Variants in PDE6A observed in about 807,000 individuals in gnomAD.
The protein encoded by PDE6A is rod cGMP-specific 3',5'-cyclic phosphodiesterase subunit alpha.
PDE6A carries 84 observed loss-of-function variants against 106.3 expected under a neutral mutation model. That is an observed-to-expected ratio of 0.79 (90% CI 0.66 to 0.95). The LOEUF is 0.95. Among genes scored for constraint, PDE6A ranks in the 40% least tolerant of loss-of-function variants. The pLI, the probability that PDE6A is intolerant of heterozygous loss-of-function variation, is 0.00. For missense variants in PDE6A, 1,052 were observed against 1,084.9 expected (o/e 0.97, Z 0.43); for synonymous variants, 394 against 386.6 (o/e 1.02, Z -0.23).
At chr5:149,883,562 G>C (rs1286231294) in intron 16 of PDE6A, 26 bp from the exon 17 acceptor site, 1 of 1,499,492 alleles carries the variant, frequency 6.7e-7, no homozygotes, top group Non-Finnish European at 9.3e-7. Flanking sequence ...GTCTAGTAAA[G>C]GGAGCAAGTC....
chr5:149,937,427 G>A (rs2113665037), intron 1 of PDE6A, among the ~76,000 whole-genome samples: 1 of 152,230 alleles, frequency 6.6e-6, no homozygotes. Context: ...ATCCAGGCTG[G>A]AGTGCAGTGT....
At chr5:149,896,548 C>G in intron 11 of PDE6A, 46 bp from the exon 12 acceptor site, 1 of 1,614,024 alleles carries the variant, frequency 6.2e-7, no homozygotes, top group Non-Finnish European at 8.5e-7. Context: ...TGAAGTGTTT[C>G]TGGGTGCCCA....
chr5:149,883,140 T>C (rs1025532768), intron 17 of PDE6A, among the ~76,000 whole-genome samples: 2 of 152,088 alleles, frequency 1.3e-5, no homozygotes, highest in Non-Finnish European at 2.9e-5. Context: ...GTTATATCAG[T>C]TTACCACCCA....
chr5:149,860,952 C>G lies in PDE6A; in HGVS notation c.2526G>C (p.Pro842=), dbSNP rs376909494. Residue 842 remains proline, a synonymous_variant, in exon 22 of 22, where the codon CCG becomes CCC. Transcript: ENST00000255266. ...SAKSAAAGNQ[P]GGNPSPGGAT... is the part of the protein sequence containing the mutation. ...CACCCCCTGGGCTGGGGTTTCCCCCCGGCTGATTTCCTGCGGCTGCTGCAA... is the reference window on the plus strand; with the variant it reads ...CACCCCCTGGGCTGGGGTTTCCCCCGGGCTGATTTCCTGCGGCTGCTGCAA... The G allele has an allele frequency of 3.7e-6, 6 of 1,613,998 alleles. No individual in the cohort carries two copies. The highest frequency in any genetic ancestry group is 2.7e-5 in the African/African-American group (2 of 74,894).
At chr5:149,908,817 G>A (rs1475818885) in intron 6 of PDE6A, among the ~76,000 whole-genome samples, 1 of 151,856 alleles carries the variant, frequency 6.6e-6, no homozygotes, top group Non-Finnish European at 1.5e-5. Flanking sequence ...AAGAGTCCAG[G>A]GCCAGCCTGG....
intron 13 of PDE6A, among the ~76,000 whole-genome samples, chr5:149,892,952 G>A (rs1053148135): frequency 3.9e-5 from 6 of 152,202 alleles, no homozygotes; most frequent in African/African-American, 1.4e-4. Flanking sequence ...CACTCCTGCT[G>A]AAAAACAGAT....
At chr5:149,921,117 T>C (rs1157305738) in intron 5 of PDE6A, among the ~76,000 whole-genome samples, 1 of 152,214 alleles carries the variant, frequency 6.6e-6, no homozygotes, top group East Asian at 1.9e-4. Context: ...GCTCATATTG[T>C]CTATAACTCT....
chr5:149,867,396 C>G (rs1206080910), intron 19 of PDE6A: 1 of 440,158 alleles, frequency 2.3e-6, no homozygotes, highest in South Asian at 2.2e-5. Flanking sequence ...GTGTTGGAGT[C>G]CACTTGCCAA....
intron 4 of PDE6A, among the ~76,000 whole-genome samples, chr5:149,928,231 A>ATACATATTTTTTTTTTTT: frequency 5.1e-5 from 1 of 19,754 alleles, no homozygotes; most frequent in Non-Finnish European, 8.3e-5. Context: ...ATATATATAT[A>ATACATATTTTTTTTTTTT]TTTTTTTTTT....
intron 13 of PDE6A, among the ~76,000 whole-genome samples, chr5:149,887,490 C>T (rs1159406319): frequency 2.6e-5 from 4 of 152,154 alleles, no homozygotes; most frequent in Non-Finnish European, 5.9e-5. Flanking sequence ...ACAGCCAGAC[C>T]CTGTCTCTAC....
In PDE6A at chr5:149,944,506, C is replaced by T. The variant is rs1337338829; in HGVS notation, c.168G>A (p.Glu56=). 18 of 1,614,062 alleles carry T rather than the reference C, an allele frequency of 1.1e-5. No individual in the cohort carries two copies. Among genetic ancestry groups the T allele is most frequent in the Non-Finnish European group, 1.5e-5 (18 of 1,180,042 alleles). The change falls in exon 1 of 22, where the codon GAG becomes GAA. Residue 56 remains glutamate, a synonymous_variant. Coordinates refer to ENST00000255266, the MANE Select transcript of PDE6A (RefSeq NM_000440.3). ...FSNYHSPSSM[E]ESEIIFDLLR... is the part of the protein sequence containing the mutation. ...GGAGATCAAAGATGATTTCGCTCTC[C>T]TCCATGCTGCTCGGGGAGTGGTAGT...
At chr5:149,867,849 C>A (rs1760387742) in intron 18 of PDE6A, 50 bp from the exon 19 acceptor site, 3 of 1,541,008 alleles carry the variant, frequency 1.9e-6, no homozygotes, top group South Asian at 1.1e-5. Context: ...CCAGCCCAAT[C>A]CCCTACCCCT....
At chr5:149,900,362 G>A (rs531373960) in intron 8 of PDE6A, among the ~76,000 whole-genome samples, 243 of 22,224 alleles carry the variant, frequency 0.011, 1 homozygote, top group Middle Eastern at 0.067. Flanking sequence ...ACTCCATCTC[G>A]AAAAATATAT....
At chr5:149,890,179 A>T (rs560046866) in intron 13 of PDE6A, among the ~76,000 whole-genome samples, 1 of 151,488 alleles carries the variant, frequency 6.6e-6, no homozygotes, top group Admixed American at 6.6e-5. Flanking sequence ...CTAGTCTTGA[A>T]CTCCTGACCT....
intron 17 of PDE6A, among the ~76,000 whole-genome samples, chr5:149,877,083 G>A (rs1401119782): frequency 1.3e-5 from 2 of 152,184 alleles, no homozygotes; most frequent in African/African-American, 2.4e-5. Flanking sequence ...ACCATCTTCA[G>A]TACGTATTAC....
chr5:149,871,661 C>T (rs999832099), intron 17 of PDE6A, among the ~76,000 whole-genome samples: 1 of 152,074 alleles, frequency 6.6e-6, no homozygotes. Context: ...CAGGGGCGGC[C>T]CATGCAGAGC....
At chr5:149,917,611 G>T (rs1355786938) in intron 5 of PDE6A, among the ~76,000 whole-genome samples, 1 of 152,152 alleles carries the variant, frequency 6.6e-6, no homozygotes, top group African/African-American at 2.4e-5. Flanking sequence ...CACTCCAATG[G>T]CACAGGCTAC....
In PDE6A at chr5:149,904,170, C is replaced by T. The variant is rs1042869880; in HGVS notation, c.1066-475G>A. On this transcript the variant is annotated intron_variant, in intron 7 of 21. Transcript: ENST00000255266. ...GTTGAGGTGGGAGAATCACTTGAAC[C>T]TGGGAGGCAGAGGTTGCAGTGAGCC... Among the ~76,000 whole-genome samples, 3 of 152,282 alleles carry T rather than the reference C, an allele frequency of 2.0e-5. No individual in the cohort carries two copies. In the East Asian group the frequency reaches 5.8e-4, roughly 29 times the overall value.
At chr5:149,872,901 C>T (rs776376934) in intron 17 of PDE6A, among the ~76,000 whole-genome samples, 25 of 152,152 alleles carry the variant, frequency 1.6e-4, no homozygotes, top group Non-Finnish European at 3.1e-4. Context: ...AAATGTTTGA[C>T]GTTTTACAGC....
Sources: gnomAD v4.1 joint callset for allele counts (sites outside exome capture counted in the v4.1 genomes callset) on GRCh38, gnomAD v4.1.1 for gene constraint, MANE v1.5 for transcripts, NCBI Gene and HGNC (gene_info 2026-07-23, HGNC 2026-07-21) for gene names.